Variants in FOCAD observed in about 807,000 individuals in gnomAD.
FOCAD encodes the protein focadhesin.
Under a neutral mutation model 225.6 loss-of-function variants are expected in FOCAD, and 198 were observed. The ratio of observed to expected loss-of-function variants is 0.88; its 90% confidence interval spans 0.78 to 0.99. The LOEUF is 0.99. Ranked by LOEUF, FOCAD falls within the 50% of genes least tolerant of loss-of-function variation. The probability of loss-of-function intolerance (pLI) is 0.00; values close to 1 mark genes in which losing one functional copy is unlikely to be tolerated. For missense variants in FOCAD, 2,713 were observed against 2,123.6 expected, an observed-to-expected ratio of 1.28 and a Z score of -5.46; for synonymous variants, 897 against 755.0, an observed-to-expected ratio of 1.19 and a Z score of -3.08.
intron 29 of FOCAD, among the ~76,000 whole-genome samples, chr9:20,946,233 C>T (rs1317373298): frequency 6.6e-6 from 1 of 152,168 alleles, no homozygotes; most frequent in Non-Finnish European, 1.5e-5. Context: ...TGCTCCACTA[C>T]TTCTCCTAGG....
intron 18 of FOCAD, among the ~76,000 whole-genome samples, chr9:20,868,128 A>G (rs1383745917): frequency 6.6e-6 from 1 of 152,098 alleles, no homozygotes; most frequent in East Asian, 1.9e-4. Context: ...GGGACTTCAG[A>G]CTGCATTATG....
At chr9:20,854,369 T>A (rs1279329520) in intron 15 of FOCAD, among the ~76,000 whole-genome samples, 1 of 151,746 alleles carries the variant, frequency 6.6e-6, no homozygotes, top group Non-Finnish European at 1.5e-5. Context: ...TACAGTTGTC[T>A]CCATATGGGC....
intron 5 of FOCAD, among the ~76,000 whole-genome samples, chr9:20,748,473 T>C (rs935721318): frequency 6.6e-6 from 1 of 152,054 alleles, no homozygotes; most frequent in African/African-American, 2.4e-5. Context: ...TCTCCTATTA[T>C]AGAAAATGTA....
chr9:20,739,952 A>G (rs1302475903), intron 4 of FOCAD, among the ~76,000 whole-genome samples: 1 of 152,096 alleles, frequency 6.6e-6, no homozygotes, highest in Admixed American at 6.6e-5. Flanking sequence ...CACTGCTTGA[A>G]ATTATGTGGG....
chr9:20,790,551 C>G (rs1820414361), intron 11 of FOCAD, among the ~76,000 whole-genome samples: 1 of 152,170 alleles, frequency 6.6e-6, no homozygotes, highest in South Asian at 2.1e-4. Context: ...GTGGGCAGAT[C>G]ACTTGAGGTC....
At chr9:20,953,147 GT>G in intron 35 of FOCAD, 82 bp downstream of exon 35, 6 of 1,095,666 alleles carry the variant, frequency 5.5e-6, no homozygotes, top group Non-Finnish European at 8.1e-6. Flanking sequence ...GCATGCCTCT[GT>G]AGAATCAAGC....
At chr9:20,875,669 G>A (rs749213295) in intron 19 of FOCAD, 28 of 151,800 alleles carry the variant, frequency 1.8e-4, no homozygotes, top group Non-Finnish European at 3.4e-4. Flanking sequence ...GTGTTTAGAA[G>A]TACTCACTTG....
At chr9:20,978,286 A>T in intron 36 of FOCAD, 53 bp from the exon 37 acceptor site, 1 of 1,198,884 alleles carries the variant, frequency 8.3e-7, no homozygotes, top group Non-Finnish European at 1.2e-6. Context: ...AAGCCTGAAA[A>T]TGAGTCAGGA....
intron 41 of FOCAD, among the ~76,000 whole-genome samples, 169 bp downstream of exon 41, chr9:20,988,598 T>C (rs554203171): frequency 1.1e-4 from 16 of 152,136 alleles, no homozygotes; most frequent in East Asian, 1.9e-4. Flanking sequence ...TTGCAGCTTT[T>C]CTTTCCCTCT....
At chr9:20,725,761 A>G (rs569757443) in intron 4 of FOCAD, among the ~76,000 whole-genome samples, 8 of 152,320 alleles carry the variant, frequency 5.3e-5, no homozygotes, top group African/African-American at 1.4e-4. Context: ...GACATTTGCA[A>G]TGATCTGGTT....
intron 5 of FOCAD, among the ~76,000 whole-genome samples, chr9:20,748,215 A>C (rs919977729): frequency 6.6e-6 from 1 of 152,070 alleles, no homozygotes; most frequent in Non-Finnish European, 1.5e-5. Context: ...AATTAATTTT[A>C]TTTTTATTTT....
In FOCAD at chr9:20,700,935, G is replaced by A. The variant is rs186110778; in HGVS notation, c.-32-14387G>A. On this transcript the variant is annotated intron_variant, in intron 1 of 43. Transcript: ENST00000338382. ...CTCTTAAGAAATCCAAATGTCCAGG[G>A]TAATAATGCAGCAGGCTTGGTCAGT... 1.5e-3 allele frequency among the ~76,000 whole-genome samples: 230 copies of A among 152,330 alleles called. 1 individual carries two copies. The highest frequency in any genetic ancestry group is 5.3e-3 in the African/African-American group (221 of 41,584).
intron 11 of FOCAD, among the ~76,000 whole-genome samples, chr9:20,801,286 A>G (rs556810192): frequency 6.6e-6 from 1 of 152,316 alleles, no homozygotes; most frequent in African/African-American, 2.4e-5. Flanking sequence ...TGATTAAGTC[A>G]AATTTACAAG....
At chr9:20,957,675 T>TC (rs1564203572) in intron 35 of FOCAD, 1 of 20,424 alleles carries the variant, frequency 4.9e-5, no homozygotes, top group African/African-American at 1.7e-4. Flanking sequence ...CTCTCTCTCT[T>TC]TTTTTTTTTT....
Position 20,805,622 on chromosome 9 carries a change from A to G in FOCAD, c.1456-14174A>G, listed in dbSNP as rs1389130947. Among the ~76,000 whole-genome samples, 3 of 151,468 alleles carry G rather than the reference A, an allele frequency of 2.0e-5. No homozygotes were observed. The East Asian group carries it at 5.8e-4, about 29-fold the overall frequency. ...ATTTCTTCTAAAGCTTTCTTATTTT[A>G]TTGCCCAAAAGATATGGAACTGTTA... is the stretch of plus-strand genomic sequence containing the variant. On this transcript the variant is annotated intron_variant, in intron 11 of 43. Coordinates refer to ENST00000338382, the MANE Select transcript of FOCAD (RefSeq NM_001375567.1).
Position 20,990,231 on chromosome 9 carries a change from G to C in FOCAD, c.5113G>C (p.Glu1705Gln), listed in dbSNP as rs575079052. The C allele has an allele frequency of 4.3e-5, 70 of 1,614,188 alleles. No individual in the cohort carries two copies. The South Asian group carries it at 7.0e-4, about 16-fold the overall frequency. Residue 1705 changes from glutamate (E) to glutamine (Q), a missense_variant, in exon 42 of 44, where the codon GAG becomes CAG. Physicochemically the swap from Glu to Gln is conservative, Grantham distance 29. Transcript: ENST00000338382. ...TGCCAGTTGGTTGCCATGGCATCAG[G>C]AGAATGGCCCGGCTGGGCCAGTACC... The part of the protein sequence containing the change: ...LSASWLPWHQ[E>Q]NGPAGPVPSF...
Position 20,815,123 on chromosome 9 carries a change from G to GGTTTTTTTTTTTTTTTTTTTTTT in FOCAD, c.1456-4673_1456-4672insGTTTTTTTTTTTTTTTTTTTTTT, listed in dbSNP as rs796702774. ...TCTGGAAATATCATTACTTCTCTTT[G>GGTTTTTTTTTTTTTTTTTTTTTT]TTTTTTTTTTTTTGTTTTTTTTTTT... is the stretch of plus-strand genomic sequence containing the variant. On this transcript the variant is annotated intron_variant, in intron 11 of 43. Transcript: ENST00000338382. Among the ~76,000 whole-genome samples, 89 of 85,380 alleles carry GGTTTTTTTTTTTTTTTTTTTTTT rather than the reference G, an allele frequency of 1.0e-3. 21 individuals are homozygous for GGTTTTTTTTTTTTTTTTTTTTTT. Among genetic ancestry groups the GGTTTTTTTTTTTTTTTTTTTTTT allele is most frequent in the Admixed American group, 2.3e-3 (16 of 6,966 alleles). 56.0% of individuals were successfully genotyped at this position (85,380 alleles called of 152,430 possible).
chr9:20,718,038 G>A (rs1405201687), intron 3 of FOCAD, among the ~76,000 whole-genome samples, 170 bp downstream of exon 3: 1 of 152,010 alleles, frequency 6.6e-6, no homozygotes, highest in Non-Finnish European at 1.5e-5. Context: ...TTAATATATA[G>A]CAATAAAAAA....
Position 20,823,075 on chromosome 9 carries a change from C to G in FOCAD, c.1880C>G (p.Ala627Gly). ...CTKPDQATPAALVLQGLHALC... is the reference protein window; with the variant it reads ...CTKPDQATPAGLVLQGLHALC... ...AAGCCTGATCAAGCTACTCCAGCAG[C>G]CTTGGTATTACAGGGTCTTCATGCA... The change falls in exon 15 of 44, where the codon GCC (alanine) becomes GGC (glycine). Residue 627 changes from alanine to glycine, a missense_variant. Coordinates refer to ENST00000338382, the MANE Select transcript of FOCAD (RefSeq NM_001375567.1). 1 of 1,608,890 alleles carries G rather than the reference C, an allele frequency of 6.2e-7. No individual in the cohort carries two copies. Among genetic ancestry groups the G allele is most frequent in the Non-Finnish European group, 8.5e-7 (1 of 1,177,958 alleles).
Sources: gnomAD v4.1 joint callset for allele counts (sites outside exome capture counted in the v4.1 genomes callset) on GRCh38, gnomAD v4.1.1 for gene constraint, MANE v1.5 for transcripts, NCBI Gene and HGNC (gene_info 2026-07-23, HGNC 2026-07-21) for gene names.